ROS1: variants seen among roughly 807,000 people sequenced by gnomAD.
The protein encoded by ROS1 is ROS proto-oncogene 1, receptor tyrosine kinase.
Under a neutral mutation model 273.5 loss-of-function variants are expected in ROS1, and 263 were observed. The observed-to-expected ratio is 0.96, with a 90% confidence interval of 0.87 to 1.06. The LOEUF is 1.06. Among genes scored for constraint, ROS1 ranks in the 50% least tolerant of loss-of-function variants. ROS1 has a pLI of 0.00. For synonymous variants in ROS1, 1,008 were observed against 954.1 expected (o/e 1.06, Z -1.04); for missense variants, 2,833 against 2,751.1 (o/e 1.03, Z -0.67).
rs1562349506 is a variant in ROS1, at chr6:117,387,926, G to GTGACTTCAGGAGGGTCTTGGGTGGATAC, written c.1825_1852dup (p.Thr618SerfsTer8). 1.2e-6 allele frequency: 2 copies of GTGACTTCAGGAGGGTCTTGGGTGGATAC among 1,614,180 alleles called. No homozygotes were observed. The highest frequency in any genetic ancestry group is 1.7e-6 in the Non-Finnish European group (2 of 1,180,034). ...TCCACTTATGTTCAAGAAAATATGA[G>GTGACTTCAGGAGGGTCTTGGGTGGATAC]TGACTTCAGGAGGGTCTTGGGTGGA... On this transcript the variant is annotated stop_gained and frameshift_variant, in exon 14 of 44. Transcript: ENST00000368507. LOFTEE classifies it high-confidence loss of function.
chr6:117,362,756 A>G lies in ROS1; in HGVS notation c.3213T>C (p.Asn1071=). The change falls in exon 22 of 44, where the codon AAT becomes AAC. Residue 1071 remains asparagine (N), a synonymous_variant. Coordinates refer to ENST00000368507, the MANE Select transcript of ROS1 (RefSeq NM_001378902.1). ...AAATTTCAAATTTTGTTAACACCCC[A>G]TTTTCATGCTTAGGTTTGTTCCACC... ...EFRWNKPKHE[N]GVLTKFEIFY... is the part of the protein sequence containing the mutation. 6.2e-7 allele frequency: 1 copy of G among 1,613,564 alleles called. No individual in the cohort carries two copies. Among genetic ancestry groups the G allele is most frequent in the Non-Finnish European group, 8.5e-7 (1 of 1,179,724 alleles).
chr6:117,403,054 A>G (rs1253614303), intron 7 of ROS1, 85 bp downstream of exon 7: 3 of 1,465,010 alleles, frequency 2.0e-6, no homozygotes, highest in South Asian at 1.2e-5. Context: ...GAAGGAATAG[A>G]TTTATTTCAT....
At position 117,310,070 on chromosome 6, in the gene ROS1, GTTAAAC is replaced by G. The variant is rs761397175; in HGVS notation, c.6416+5_6416+10del. 4 of 1,608,040 alleles carry G rather than the reference GTTAAAC, an allele frequency of 2.5e-6. No homozygotes were observed. The highest frequency in any genetic ancestry group is 3.4e-6 in the Non-Finnish European group (4 of 1,174,984). On this transcript the variant is annotated splice_donor_5th_base_variant and intron_variant, in intron 41 of 43. Transcript: ENST00000368507. Reference sequence around the variant, plus strand: ...TTCTGTCAGCATTACTCTGTGTCCCGTTAAACTTACCATACATCAGATTGAGTAGTG... The same window carrying G: ...TTCTGTCAGCATTACTCTGTGTCCCGTTACCATACATCAGATTGAGTAGTG...
intron 42 of ROS1, among the ~76,000 whole-genome samples, chr6:117,301,973 T>C (rs1019774832): frequency 1.3e-5 from 2 of 152,200 alleles, no homozygotes; most frequent in Non-Finnish European, 2.9e-5. Flanking sequence ...AGCAAAGATG[T>C]TGGACACTTG....
intron 32 of ROS1, among the ~76,000 whole-genome samples, chr6:117,334,438 T>C (rs1334840537): frequency 1.3e-5 from 2 of 152,188 alleles, no homozygotes; most frequent in Non-Finnish European, 2.9e-5. Flanking sequence ...ATTTATAGAT[T>C]CAATGCTATT....
At chr6:117,424,057 G>A (rs1340756245) in intron 1 of ROS1, among the ~76,000 whole-genome samples, 7 of 151,884 alleles carry the variant, frequency 4.6e-5, no homozygotes, top group Admixed American at 2.0e-4. Flanking sequence ...TGGAAGCAAG[G>A]AGCCCACACA....
intron 7 of ROS1, among the ~76,000 whole-genome samples, chr6:117,401,291 C>T (rs974422445): frequency 3.3e-5 from 5 of 152,142 alleles, no homozygotes; most frequent in Non-Finnish European, 4.4e-5. Context: ...ATCAGCCATA[C>T]TGAAAGTTTT....
chr6:117,416,304 C>T lies in ROS1; in HGVS notation c.182G>A (p.Cys61Tyr), dbSNP rs1020449619. 7 of 1,602,864 alleles carry T rather than the reference C, an allele frequency of 4.4e-6. No homozygotes were observed. In the African/African-American group the frequency reaches 8.0e-5, roughly 18 times the overall value. Residue 61 changes from cysteine to tyrosine, a missense_variant, in exon 3 of 44, where the codon TGT becomes TAT. Coordinates refer to ENST00000368507, the MANE Select transcript of ROS1 (RefSeq NM_001378902.1). ...CTGATCTACAGAGTTCCAAAAGTGA[C>T]ATCCTTGGATACACTGCAAGAGACA... is the stretch of plus-strand genomic sequence containing the variant. ...HNLSEPCIQGCHFWNSVDQKN... is the reference protein window; with the variant it reads ...HNLSEPCIQGYHFWNSVDQKN...
intron 34 of ROS1, 69 bp downstream of exon 34, chr6:117,326,155 G>T: frequency 1.5e-6 from 1 of 683,154 alleles, no homozygotes; most frequent in Non-Finnish European, 2.4e-6. Flanking sequence ...CTAATGTTAA[G>T]AATGTACTGA....
chr6:117,288,911 G>T, intron 43 of ROS1, 109 bp from the exon 44 acceptor site: 1 of 891,418 alleles, frequency 1.1e-6, no homozygotes, highest in Non-Finnish European at 1.7e-6. Context: ...CATTTGTTCA[G>T]CAAACATTTA....
chr6:117,370,396 C>A (rs943786085), intron 18 of ROS1, among the ~76,000 whole-genome samples: 3 of 152,212 alleles, frequency 2.0e-5, no homozygotes, highest in African/African-American at 7.2e-5. Flanking sequence ...CTCTGATTAA[C>A]AATGTGATAT....
intron 18 of ROS1, among the ~76,000 whole-genome samples, chr6:117,377,402 C>T (rs9374653): frequency 0.49 from 74,580 of 151,868 alleles, 19,188 homozygotes; most frequent in African/African-American, 0.64. Context: ...TGAGCCACCA[C>T]GCCCGGCCCA....
chr6:117,304,065 A>T (rs1774929906), intron 42 of ROS1, among the ~76,000 whole-genome samples: 1 of 152,220 alleles, frequency 6.6e-6, no homozygotes, highest in South Asian at 2.1e-4. Flanking sequence ...CAATGTATTG[A>T]TCTGATGACT....
At chr6:117,381,558 A>G (rs1019505606) in intron 17 of ROS1, among the ~76,000 whole-genome samples, 11 of 152,088 alleles carry the variant, frequency 7.2e-5, no homozygotes, top group African/African-American at 1.4e-4. Context: ...AATTGCTGCA[A>G]AAGACATTAT....
At chr6:117,342,139 A>T (rs1245252105) in intron 29 of ROS1, among the ~76,000 whole-genome samples, 1 of 152,136 alleles carries the variant, frequency 6.6e-6, no homozygotes, top group Non-Finnish European at 1.5e-5. Flanking sequence ...AGACCAAATA[A>T]TGTGTTTCTT....
chr6:117,357,711 A>G (rs1185749539), intron 25 of ROS1, 93 bp downstream of exon 25: 2 of 836,612 alleles, frequency 2.4e-6, no homozygotes, highest in African/African-American at 1.7e-5. Flanking sequence ...TTATTTTTCC[A>G]TAATTGTCTT....
chr6:117,399,922 C>G (rs1048890279), intron 7 of ROS1, among the ~76,000 whole-genome samples: 1 of 152,186 alleles, frequency 6.6e-6, no homozygotes, highest in African/African-American at 2.4e-5. Context: ...TTTTGAGAAG[C>G]AAGTGAAGCA....
At chr6:117,301,846 T>C (rs1237685552) in intron 42 of ROS1, 2 of 152,264 alleles carry the variant, frequency 1.3e-5, no homozygotes, top group African/African-American at 2.4e-5. Context: ...CTGTTCATTA[T>C]AGTCAGGTTG....
chr6:117,409,852 G>A (rs1316433352), intron 4 of ROS1, among the ~76,000 whole-genome samples: 2 of 152,008 alleles, frequency 1.3e-5, no homozygotes, highest in Non-Finnish European at 2.9e-5. Context: ...TTGCTAGACT[G>A]GCATTTCCCA....
Sources: allele counts gnomAD v4.1 joint callset (sites outside exome capture counted in the v4.1 genomes callset), GRCh38; gene constraint gnomAD v4.1.1; transcripts MANE v1.5; gene names NCBI Gene and HGNC (gene_info 2026-07-23, HGNC 2026-07-21).